INCA1: variants seen among roughly 807,000 people sequenced by gnomAD.
INCA1 encodes inhibitor of CDK, cyclin A1 interacting protein 1, also known as protein INCA1.
A neutral mutation model predicts 25.7 loss-of-function variants in INCA1; 28 were observed. That is an observed-to-expected ratio of 1.09 (90% CI 0.81 to 1.49). The LOEUF is 1.49. INCA1 is among the 40% of genes most tolerant of loss of function. INCA1 has a pLI of 0.00. For missense variants in INCA1, 309 were observed against 290.9 expected, an observed-to-expected ratio of 1.06 and a Z score of -0.45; for synonymous variants, 111 against 103.6, an observed-to-expected ratio of 1.07 and a Z score of -0.43.
chr17:4,989,171 C>T (rs1187900887), intron 5 of INCA1, among the ~76,000 whole-genome samples: 3 of 152,190 alleles, frequency 2.0e-5, no homozygotes, highest in African/African-American at 7.2e-5. Context: ...CTATGGTTTG[C>T]TTTCCTGTCT....
chr17:4,989,451 T>A (rs1282116063), exon 5 of INCA1: 4 of 1,613,886 alleles, frequency 2.5e-6, no homozygotes, highest in Non-Finnish European at 3.4e-6. Context: ...TCTGACGCCT[T>A]CTTAGGTCCT....
In INCA1 at chr17:4,988,770, C is replaced by T. The variant is rs1326963255; in HGVS notation, c.561+9G>A. On this transcript the variant is annotated intron_variant, in intron 6 of 6. Coordinates refer to ENST00000576820, the Ensembl canonical transcript of INCA1. ...TCCCTCACTCCACCCAGTTCCACTC[C>T]AACAATACCTGGGCCCTGCCAGGAG... is the stretch of plus-strand genomic sequence containing the variant. 6.2e-7 allele frequency: 1 copy of T among 1,614,140 alleles called. No homozygotes were observed. The highest frequency in any genetic ancestry group is 1.3e-5 in the African/African-American group (1 of 75,056).
intron 2 of INCA1, among the ~76,000 whole-genome samples, chr17:4,994,062 A>C (rs1974062710): frequency 6.6e-6 from 1 of 151,984 alleles, no homozygotes; most frequent in African/African-American, 2.4e-5. Context: ...GTGAGCCACC[A>C]CACCTGGCCC....
intron 2 of INCA1, among the ~76,000 whole-genome samples, chr17:4,991,467 T>C (rs1353031730): frequency 6.6e-6 from 1 of 152,194 alleles, no homozygotes; most frequent in South Asian, 2.1e-4. Flanking sequence ...TCAAAAGGAC[T>C]AATATCCTTG....
chr17:4,994,199 C>A (rs534499265), intron 2 of INCA1, among the ~76,000 whole-genome samples, 195 bp downstream of exon 2: 1 of 152,154 alleles, frequency 6.6e-6, no homozygotes, highest in South Asian at 2.1e-4. Flanking sequence ...TTGCTGAATC[C>A]CCAGTGCCTA....
At chr17:4,988,894 A>G in exon 6 of INCA1, 1 of 1,614,162 alleles carries the variant, frequency 6.2e-7, no homozygotes, top group Non-Finnish European at 8.5e-7. Flanking sequence ...TTCGCCAAGC[A>G]CCACTGGCTC....
intron 3 of INCA1, 34 bp downstream of exon 3, chr17:4,990,118 C>T: frequency 1.2e-6 from 2 of 1,613,580 alleles, no homozygotes; most frequent in South Asian, 2.2e-5. Context: ...GTTAAGACCA[C>T]ATCCAGTTAG....
At chr17:4,988,654 C>T (rs966223842) in intron 6 of INCA1, 100 bp from the exon 7 acceptor site, 1 of 1,567,288 alleles carries the variant, frequency 6.4e-7, no homozygotes, top group African/African-American at 1.4e-5. Flanking sequence ...CTCTGGTTCT[C>T]ACCTACGTTA....
chr17:4,989,308 A>C, intron 5 of INCA1, 120 bp downstream of exon 5: 48 of 859,442 alleles, frequency 5.6e-5, no homozygotes, highest in Middle Eastern at 3.4e-4. Context: ...CTTCCAAGCA[A>C]CCTCCCCTCA....
chr17:4,992,398 T>C (rs1387641350), intron 2 of INCA1, among the ~76,000 whole-genome samples: 1 of 152,036 alleles, frequency 6.6e-6, no homozygotes, highest in African/African-American at 2.4e-5. Flanking sequence ...TCCTCCTGCC[T>C]CAGCCTCCTG....
chr17:4,988,205 TG>T (rs1448875298), downstream of INCA1: 6 of 505,380 alleles, frequency 1.2e-5, no homozygotes, highest in Non-Finnish European at 1.7e-5. Flanking sequence ...AAACAGGACT[TG>T]GGGTGCTCCT....
At chr17:4,992,282 T>G (rs1008373746) in intron 2 of INCA1, among the ~76,000 whole-genome samples, 1 of 145,200 alleles carries the variant, frequency 6.9e-6, no homozygotes, top group Non-Finnish European at 1.5e-5. Context: ...ATCCAAACCG[T>G]TTTTTTTCTT....
rs1330322993 is a variant in INCA1 at position 4,989,638 on chromosome 17, T to C, written c.199-14A>G. The C allele has an allele frequency of 6.2e-7, 1 of 1,611,132 alleles. No individual in the cohort carries two copies. The highest frequency in any genetic ancestry group is 2.2e-5 in the East Asian group (1 of 44,840). Reference sequence around the variant, plus strand: ...ACCAGTGGCTCTCTGTGCCAGAGAATGGGGAAAAAGAGCTAGAAAGAAGAA... The same window carrying C: ...ACCAGTGGCTCTCTGTGCCAGAGAACGGGGAAAAAGAGCTAGAAAGAAGAA... On this transcript the variant is annotated splice_polypyrimidine_tract_variant and intron_variant, in intron 4 of 6. Coordinates refer to ENST00000576820, the Ensembl canonical transcript of INCA1.
At chr17:4,989,744 G>C in intron 4 of INCA1, 120 bp from the exon 5 acceptor site, 1 of 1,545,292 alleles carries the variant, frequency 6.5e-7, no homozygotes, top group Non-Finnish European at 8.9e-7. Flanking sequence ...TCGAAAACAT[G>C]ATGACTGATT....
intron 1 of INCA1, chr17:4,995,739 G>A (rs1022588601): frequency 2.6e-5 from 4 of 152,144 alleles, no homozygotes; most frequent in African/African-American, 7.2e-5. Flanking sequence ...AGACCAGTCT[G>A]ACCAACATGG....
At chr17:4,996,510 AGTCTCT>A (rs1974277531) in intron 1 of INCA1, among the ~76,000 whole-genome samples, 1 of 151,402 alleles carries the variant, frequency 6.6e-6, no homozygotes, top group Non-Finnish European at 1.5e-5. Flanking sequence ...AGCGAAACCC[AGTCTCT>A]ACTAAAAATA....
At chr17:4,989,730 G>A in intron 4 of INCA1, 106 bp from the exon 5 acceptor site, 1 of 1,548,344 alleles carries the variant, frequency 6.5e-7, no homozygotes, top group Non-Finnish European at 8.9e-7. Context: ...AGACCCCTGT[G>A]ATCTCGAAAA....
chr17:4,994,660 C>A (rs138615939), intron 1 of INCA1, among the ~76,000 whole-genome samples, 185 bp from the exon 2 acceptor site: 1 of 151,830 alleles, frequency 6.6e-6, no homozygotes, highest in East Asian at 1.9e-4. Flanking sequence ...TGTGGTGGCG[C>A]GCGCCTATAG....
intron 5 of INCA1, 105 bp from the exon 6 acceptor site, chr17:4,989,049 GA>G: frequency 7.9e-7 from 1 of 1,261,586 alleles, no homozygotes; most frequent in Non-Finnish European, 1.1e-6. Flanking sequence ...GGACTCCAGG[GA>G]GTTGTCATTT....
Sources: gnomAD v4.1 joint callset for allele counts (sites outside exome capture counted in the v4.1 genomes callset) on GRCh38, gnomAD v4.1.1 for gene constraint, MANE v1.5 for transcripts, NCBI Gene and HGNC (gene_info 2026-07-23, HGNC 2026-07-21) for gene names.